The following PLA2G4F variants were observed in gnomAD, a reference collection of about 807,000 sequenced individuals.
The protein encoded by PLA2G4F is cytosolic phospholipase A2 zeta.
In PLA2G4F, 105 loss-of-function variants were observed where a neutral mutation model predicts 103.1. That is an observed-to-expected ratio of 1.02 (90% CI 0.87 to 1.20). PLA2G4F has a LOEUF of 1.20. Among genes scored for constraint, PLA2G4F ranks in the 50% most tolerant of loss-of-function variants. The pLI is 0.00. For missense variants in PLA2G4F, 1,155 were observed against 1,075.9 expected (o/e 1.07, Z -1.03); for synonymous variants, 468 against 441.1 (o/e 1.06, Z -0.76).
chr15:42,156,627 A>T lies in PLA2G4F; in HGVS notation c.-78T>A. On this transcript the variant is annotated 5_prime_UTR_variant, in exon 1 of 20. Transcript: ENST00000397272. ...CACAAACTGCTGGCTCAGGTGTGAC[A>T]GGCAGCACTGAGTTGGGAGGGTGGA... 2 of 1,033,200 alleles carry T rather than the reference A, an allele frequency of 1.9e-6. No individual in the cohort carries two copies. The highest frequency in any genetic ancestry group is 1.6e-5 in the African/African-American group (1 of 61,334). 64.0% of individuals were successfully genotyped at this position (1,033,200 alleles called of 1,614,324 possible). A position where few individuals can be genotyped will look rare whatever the true frequency, so the allele number is the denominator to read the frequency against.
At chr15:42,151,492 A>G in intron 7 of PLA2G4F, 1 of 985,338 alleles carries the variant, frequency 1.0e-6, no homozygotes, top group Non-Finnish European at 1.2e-6. Flanking sequence ...AGGGGGCCGC[A>G]GACAGCCTCC....
Position 42,140,996 on chromosome 15 carries a change from T to G in PLA2G4F, c.*988A>C. ...AGAGTCCCTGGCGGGTCAGGGGAAA[T>G]GGAGAAGAGGGAGAGTGAGAAACAA... On this transcript the variant is annotated 3_prime_UTR_variant, in exon 20 of 20. Transcript: ENST00000397272. 3 of 334,616 alleles carry G rather than the reference T, an allele frequency of 9.0e-6. No individual in the cohort carries two copies. Among genetic ancestry groups the G allele is most frequent in the East Asian group, 7.6e-5 (1 of 13,102 alleles). The allele number at this position is 334,616 out of a possible 1,614,324, so 20.7% of individuals were successfully genotyped here.
In PLA2G4F at chr15:42,145,623, A is replaced by G; in HGVS notation, c.1732T>C (p.Ser578Pro). The change falls in exon 16 of 20, where the codon TCG becomes CCG. Residue 578 changes from serine to proline, a missense_variant. Around this residue, in one of 3 missense-constraint regions of PLA2G4F, gnomAD observed 782 missense variants for 692.9 expected, o/e 1.13. Coordinates refer to ENST00000397272, the MANE Select transcript of PLA2G4F (RefSeq NM_213600.4). ...TACCACTCCAGGAAGCTGAGGCCCG[A>G]GCCGGCGGTCTTTAGGAAGATCTCA... ...LDEIFLKTAG[S>P]GLSFLEWYRG... 1 of 1,614,060 alleles carries G rather than the reference A, an allele frequency of 6.2e-7. No homozygotes were observed. Among genetic ancestry groups the G allele is most frequent in the Non-Finnish European group, 8.5e-7 (1 of 1,180,004 alleles).
At position 42,147,745 on chromosome 15, in the gene PLA2G4F, C is replaced by A; in HGVS notation, c.1077G>T (p.Val359=). The A allele has an allele frequency of 6.2e-7, 1 of 1,613,904 alleles. No homozygotes were observed. ...LDSGQVPVVA[V]LGSGGGTRAM... ...CTCGGGTTCCACCCCCGGAACCCAA[C>A]ACAGCCACTACAGGCACCTGGGTAC... Residue 359 remains valine (V), a synonymous_variant, in exon 12 of 20, where the codon GTG becomes GTT. Coordinates refer to ENST00000397272, the MANE Select transcript of PLA2G4F (RefSeq NM_213600.4).
In PLA2G4F at chr15:42,144,463, G is replaced by A. The variant is rs755266833; in HGVS notation, c.1962C>T (p.Phe654=). Residue 654 remains phenylalanine, a synonymous_variant, in exon 17 of 20, where the codon TTC becomes TTT. Coordinates refer to ENST00000397272, the MANE Select transcript of PLA2G4F (RefSeq NM_213600.4). ...GGCAGCACCCACCTTTCCAGGCCAC[G>A]AACTCCCTGCCAGCCACATAGTCCT... ...LHKDYVAGRE[F]VAWKDTHPDA... 1.1e-5 allele frequency: 18 copies of A among 1,611,976 alleles called. No homozygotes were observed. Among genetic ancestry groups the A allele is most frequent in the African/African-American group, 2.7e-5 (2 of 74,836 alleles).
intron 18 of PLA2G4F, among the ~76,000 whole-genome samples, chr15:42,143,007 C>T (rs2663097): frequency 0.57 from 85,743 of 151,336 alleles, 24,933 homozygotes; most frequent in African/African-American, 0.61. Flanking sequence ...GGTGAAACCC[C>T]GTCTCTACTA....
chr15:42,145,236 T>C (rs1317315233), intron 16 of PLA2G4F, among the ~76,000 whole-genome samples: 1 of 152,070 alleles, frequency 6.6e-6, no homozygotes, highest in Non-Finnish European at 1.5e-5. Context: ...GCAAAAGTGA[T>C]CCAGGGGAGA....
chr15:42,144,290 CCTTCCAG>C (rs2048856722), intron 17 of PLA2G4F, 146 bp from the exon 18 acceptor site: 1 of 1,390,840 alleles, frequency 7.2e-7, no homozygotes. Flanking sequence ...CTTGGCCCTG[CCTTCCAG>C]CTTCCAGCAG....
intron 18 of PLA2G4F, 121 bp from the exon 19 acceptor site, chr15:42,142,835 G>A: frequency 9.7e-7 from 1 of 1,032,258 alleles, no homozygotes; most frequent in Non-Finnish European, 1.4e-6. Flanking sequence ...AGTGACTTCA[G>A]GCAGGTGACA....
In PLA2G4F at chr15:42,156,496, CAGGAGGG is replaced by C. The variant is rs1566883466; in HGVS notation, c.47_53del (p.Pro16ArgfsTer31). 1 of 1,562,808 alleles carries C rather than the reference CAGGAGGG, an allele frequency of 6.4e-7. No homozygotes were observed. Among genetic ancestry groups the C allele is most frequent in the Admixed American group, 1.9e-5 (1 of 52,532 alleles). ...CTCTCTTCTGAAGCAGCACTGCCCC[CAGGAGGG>C]GCAGCATCTTGTCTGCCAGCCACCT... On this transcript the variant is annotated frameshift_variant, in exon 1 of 20. Transcript: ENST00000397272. LOFTEE classifies it high-confidence loss of function.
At chr15:42,143,397 G>T (rs1010419537) in intron 18 of PLA2G4F, among the ~76,000 whole-genome samples, 1 of 152,078 alleles carries the variant, frequency 6.6e-6, no homozygotes, top group African/African-American at 2.4e-5. Flanking sequence ...AATCACAGAA[G>T]GTCCACGTCA....
At chr15:42,155,852 CCA>C (rs2049009902) in intron 1 of PLA2G4F, among the ~76,000 whole-genome samples, 1 of 152,174 alleles carries the variant, frequency 6.6e-6, no homozygotes, top group African/African-American at 2.4e-5. Flanking sequence ...CTGTCACGCA[CCA>C]CACACCTGCA....
At chr15:42,152,351 G>C (rs1241991764) in intron 7 of PLA2G4F, among the ~76,000 whole-genome samples, 1 of 152,236 alleles carries the variant, frequency 6.6e-6, no homozygotes, top group Admixed American at 6.5e-5. Flanking sequence ...TGTCACAGGA[G>C]GCAGAGGAGA....
chr15:42,144,537 A>G lies in PLA2G4F; in HGVS notation c.1888T>C (p.Phe630Leu), dbSNP rs1319409460. The G allele has an allele frequency of 1.9e-6, 3 of 1,612,722 alleles. No homozygotes were observed. The highest frequency in any genetic ancestry group is 1.7e-6 in the Non-Finnish European group (2 of 1,180,040). ...QAVLDIFTSR[F>L]TSAQSFNFTR... is the part of the protein sequence containing the mutation. ...AAGTTAAAGCTCTGGGCGGAAGTGA[A>G]GCGGGAGGTGAATATGTCCAGCACA... The change falls in exon 17 of 20, where the codon TTC becomes CTC. Residue 630 changes from phenylalanine (F) to leucine (L), a missense_variant. Phe to Leu is a conservative substitution (Grantham distance 22, BLOSUM62 0). This residue lies in a region of PLA2G4F where 782 missense variants were observed against 692.9 expected (regional missense o/e 1.13). Transcript: ENST00000397272.
chr15:42,141,934 C>G lies in PLA2G4F; in HGVS notation c.*50G>C. ...CGCTCCTCCCTCTACAAGCCCTGACCATGAGCAGTGTGTCTCCTCTCTGTC... is the reference window on the plus strand; with the variant it reads ...CGCTCCTCCCTCTACAAGCCCTGACGATGAGCAGTGTGTCTCCTCTCTGTC... On this transcript the variant is annotated 3_prime_UTR_variant, in exon 20 of 20. Transcript: ENST00000397272. 1 of 1,543,050 alleles carries G rather than the reference C, an allele frequency of 6.5e-7. No individual in the cohort carries two copies. The highest frequency in any genetic ancestry group is 8.9e-7 in the Non-Finnish European group (1 of 1,123,654).
chr15:42,142,613 CAG>C lies in PLA2G4F; in HGVS notation c.2242_2243del (p.Leu748ValfsTer5). 2 of 1,614,114 alleles carry C rather than the reference CAG, an allele frequency of 1.2e-6. No individual in the cohort carries two copies. The highest frequency in any genetic ancestry group is 1.7e-6 in the Non-Finnish European group (2 of 1,180,000). ...EDMEEARECY[L>X]FAKAEDPRSP... ...AGCGGGGGTCCTCAGCCTTGGCAAA[CAG>C]ATAGCACTCACGGGCCTCCTCCATG... is the stretch of plus-strand genomic sequence containing the variant. On this transcript the variant is annotated frameshift_variant, in exon 19 of 20. Coordinates refer to ENST00000397272, the MANE Select transcript of PLA2G4F (RefSeq NM_213600.4). LOFTEE classifies it high-confidence loss of function.
rs1332696573 is a variant in PLA2G4F, at chr15:42,146,123, G to A, written c.1534+4C>T. 1.9e-6 allele frequency: 3 copies of A among 1,613,554 alleles called. No individual in the cohort carries two copies. In the African/African-American group the frequency reaches 4.0e-5, roughly 22 times the overall value. ...CTCCTTCCTTCGTCTCCACACCCAG[G>A]CACCTGCAAAATCTTCCCCACTCAA... is the stretch of plus-strand genomic sequence containing the variant. On this transcript the variant is annotated splice_donor_region_variant and intron_variant, in intron 14 of 19. Transcript: ENST00000397272.
rs139998982 is a variant in PLA2G4F, at chr15:42,147,297, G to A, written c.1246C>T (p.Gln416Ter). Residue 416 changes from glutamine (Q) to a stop codon, truncating the protein, a stop_gained, in exon 13 of 20, where the codon CAG (glutamine) becomes TAG (stop). Transcript: ENST00000397272. LOFTEE classifies it high-confidence loss of function. Reference protein sequence around the residue: ...RDPAWSQVALQGPIERAQVHV... With the variant: ...RDPAWSQVAL ...ACCTGGGCACGCTCAATGGGGCCCT[G>A]CAAGGCCACCTGGGACCAGGCTGGG... 2 of 1,610,570 alleles carry A rather than the reference G, an allele frequency of 1.2e-6. No individual in the cohort carries two copies. Among genetic ancestry groups the A allele is most frequent in the Non-Finnish European group, 1.7e-6 (2 of 1,179,984 alleles).
chr15:42,155,107 ACT>A lies in PLA2G4F; in HGVS notation c.184+408_184+409del, dbSNP rs898884077. 2.6e-5 allele frequency among the ~76,000 whole-genome samples: 4 copies of A among 151,438 alleles called. No homozygotes were observed. In the South Asian group the frequency reaches 6.3e-4, roughly 24 times the overall value. ...CGCACACACGTATACACACATACAC[ACT>A]CACGTTCACACACACTCGCACTCAC... On this transcript the variant is annotated intron_variant, in intron 2 of 19. Transcript: ENST00000397272.
Sources: allele counts gnomAD v4.1 joint callset (sites outside exome capture counted in the v4.1 genomes callset), GRCh38; gene constraint gnomAD v4.1.1; regional missense constraint gnomAD v4.1.1; transcripts MANE v1.5; gene names NCBI Gene and HGNC (gene_info 2026-07-23, HGNC 2026-07-21).